JDP2: variants seen among roughly 807,000 people sequenced by gnomAD.
The protein encoded by JDP2 is Jun dimerization protein 2.
Under a neutral mutation model 17.1 loss-of-function variants are expected in JDP2, and 9 were observed. The observed-to-expected ratio is 0.53, with a 90% CI of 0.32 to 0.92. JDP2 has a LOEUF of 0.92. JDP2 is among the 40% of genes least tolerant of loss of function. JDP2 has a pLI of 0.04. For synonymous variants in JDP2, 107 were observed against 95.6 expected, an observed-to-expected ratio of 1.12 and a Z score of -0.69; for missense variants, 179 against 220.0, an observed-to-expected ratio of 0.81 and a Z score of 1.18.
rs548516877 is a variant in JDP2 at position 75,431,420 on chromosome 14, A to G, written c.-24+3168A>G. Reference sequence around the variant, plus strand: ...GCCAGTGTTCAGTGGCTTCTCTTGAACCCAGCTACCGCTCCTTGTCTTCTT... The same window carrying G: ...GCCAGTGTTCAGTGGCTTCTCTTGAGCCCAGCTACCGCTCCTTGTCTTCTT... On this transcript the variant is annotated intron_variant, in intron 1 of 3. Transcript: ENST00000651602. 5.2e-4 allele frequency among the ~76,000 whole-genome samples: 79 copies of G among 152,158 alleles called. 1 individual carries two copies. In the East Asian group the frequency reaches 0.013, roughly 26 times the overall value.
intron 3 of JDP2, among the ~76,000 whole-genome samples, chr14:75,464,598 G>A (rs1886492769): frequency 6.6e-6 from 1 of 152,092 alleles, no homozygotes; most frequent in South Asian, 2.1e-4. Flanking sequence ...TGGTATCCTC[G>A]GGGAGTCCTG....
chr14:75,437,031 TAAA>T lies in JDP2; in HGVS notation c.-23-864_-23-862del, dbSNP rs373110520. 3.2e-3 allele frequency among the ~76,000 whole-genome samples: 494 copies of T among 152,240 alleles called. 3 individuals are homozygous for T. The highest frequency in any genetic ancestry group is 0.025 in the South Asian group (119 of 4,824). The stretch of plus-strand genomic sequence containing the variant: ...TAACATGATGAACTCCTGTATCTAC[TAAA>T]AATACAAAAATTAGCTGGGCGTGGT... On this transcript the variant is annotated intron_variant, in intron 1 of 3. Coordinates refer to ENST00000651602, the MANE Select transcript of JDP2 (RefSeq NM_001135048.2).
intron 3 of JDP2, among the ~76,000 whole-genome samples, chr14:75,462,419 G>C (rs1056965065): frequency 6.6e-6 from 1 of 152,200 alleles, no homozygotes; most frequent in African/African-American, 2.4e-5. Context: ...GTAAAGTTGG[G>C]TGCTGTGCTG....
In JDP2 at chr14:75,469,739, T is replaced by C. The variant is rs1446859229; in HGVS notation, c.*264T>C. The C allele has an allele frequency of 4.5e-5, 20 of 443,514 alleles. No individual in the cohort carries two copies. The highest frequency in any genetic ancestry group is 4.1e-6 in the Non-Finnish European group (1 of 244,576). 27.5% of individuals were successfully genotyped at this position (443,514 alleles called of 1,614,324 possible). A position where few individuals can be genotyped will look rare whatever the true frequency, so the allele number is the denominator to read the frequency against. Reference sequence around the variant, plus strand: ...AGGGTTGTCCTGCCTGGGGCCCCACTTGAAGGAGGCAGGACAGAGGCACCG... The same window carrying C: ...AGGGTTGTCCTGCCTGGGGCCCCACCTGAAGGAGGCAGGACAGAGGCACCG... On this transcript the variant is annotated 3_prime_UTR_variant, in exon 4 of 4. Transcript: ENST00000651602.
intron 1 of JDP2, among the ~76,000 whole-genome samples, chr14:75,433,446 A>C (rs1045833336): frequency 6.7e-6 from 1 of 150,372 alleles, no homozygotes; most frequent in African/African-American, 2.5e-5. Flanking sequence ...TATTTTCTAG[A>C]CTTGACATGT....
rs1378270471 is a variant in JDP2 at position 75,428,384 on chromosome 14, C to A, written c.-24+132C>A. On this transcript the variant is annotated intron_variant, in intron 1 of 3. Transcript: ENST00000651602. This position sits in a 1 kb window ranked among gnomAD's most constrained non-coding sequence, Gnocchi z 5.6. ...CCCAGCCCAGCCCCGCGGGGAGGCT[C>A]CCGCAGCCCAGGGACCTCGAGCTTT... 6.6e-6 allele frequency: 1 copy of A among 151,106 alleles called. No homozygotes were observed. The highest frequency in any genetic ancestry group is 2.4e-5 in the African/African-American group (1 of 41,254). 9.4% of individuals were successfully genotyped at this position (151,106 alleles called of 1,614,324 possible).
chr14:75,432,031 G>C, intron 1 of JDP2: 1 of 515,708 alleles, frequency 1.9e-6, no homozygotes, highest in African/African-American at 1.9e-5. Context: ...CACACAGCTA[G>C]TAAGAAGGGA....
intron 1 of JDP2, among the ~76,000 whole-genome samples, chr14:75,435,092 A>G (rs931028036): frequency 3.3e-5 from 5 of 152,180 alleles, no homozygotes; most frequent in African/African-American, 4.8e-5. Flanking sequence ...CAGTTTTGCT[A>G]CAAGGAATAG....
In JDP2 at chr14:75,469,710, G is replaced by T; in HGVS notation, c.*235G>T. 1 of 509,582 alleles carries T rather than the reference G, an allele frequency of 2.0e-6. No homozygotes were observed. Among genetic ancestry groups the T allele is most frequent in the South Asian group, 2.4e-5 (1 of 41,812 alleles). The allele number at this position is 509,582 out of a possible 1,614,324, so 31.6% of individuals were successfully genotyped here. On this transcript the variant is annotated 3_prime_UTR_variant, in exon 4 of 4. Transcript: ENST00000651602. Reference sequence around the variant, plus strand: ...AGCGCTGAGACCAAAGTTGACCCTCGGGTAGGGTTGTCCTGCCTGGGGCCC... The same window carrying T: ...AGCGCTGAGACCAAAGTTGACCCTCTGGTAGGGTTGTCCTGCCTGGGGCCC...
intron 2 of JDP2, among the ~76,000 whole-genome samples, chr14:75,447,981 T>C (rs536466073): frequency 6.6e-6 from 1 of 152,252 alleles, no homozygotes; most frequent in South Asian, 2.1e-4. Flanking sequence ...AGCTATCACC[T>C]ACCTACCATT....
At chr14:75,441,809 A>G (rs1484169481) in intron 2 of JDP2, among the ~76,000 whole-genome samples, 2 of 152,160 alleles carry the variant, frequency 1.3e-5, no homozygotes, top group Non-Finnish European at 2.9e-5. Context: ...AGCCCCTCAC[A>G]GCTGGACTCC....
chr14:75,451,967 G>A (rs1004825121), intron 2 of JDP2, among the ~76,000 whole-genome samples: 7 of 152,224 alleles, frequency 4.6e-5, no homozygotes, highest in Non-Finnish European at 7.4e-5. Flanking sequence ...TGCCCAGGCC[G>A]GAGTGCAGTG....
chr14:75,438,237 G>A (rs1885168640), intron 2 of JDP2, 116 bp downstream of exon 2: 2 of 761,618 alleles, frequency 2.6e-6, no homozygotes, highest in Non-Finnish European at 4.2e-6. Flanking sequence ...TACCACCCTG[G>A]GGTTATCAGA....
Position 75,469,284 on chromosome 14 carries a change from A to T in JDP2, c.307-6A>T. On this transcript the variant is annotated splice_polypyrimidine_tract_variant and splice_region_variant and intron_variant, in intron 3 of 3. Transcript: ENST00000651602. ...ACTCACAGCGTGCTTCTGTGTTGGT[A>T]TACAGGAATCCGAGCGGCTGGAACT... 6.2e-7 allele frequency: 1 copy of T among 1,613,064 alleles called. No homozygotes were observed. The highest frequency in any genetic ancestry group is 8.5e-7 in the Non-Finnish European group (1 of 1,179,372).
chr14:75,432,297 A>G, intron 1 of JDP2: 1 of 1,551,008 alleles, frequency 6.4e-7, no homozygotes, highest in South Asian at 1.2e-5. Flanking sequence ...AGCTCCAAGA[A>G]GAGGCTTGGT....
At chr14:75,455,774 C>T (rs572436358) in intron 2 of JDP2, among the ~76,000 whole-genome samples, 5 of 152,252 alleles carry the variant, frequency 3.3e-5, no homozygotes, top group East Asian at 1.9e-4. Context: ...CTGCTGGTCC[C>T]GGGTTCCCTA....
Position 75,469,668 on chromosome 14 carries a change from G to A in JDP2, c.*193G>A. 1 of 590,960 alleles carries A rather than the reference G, an allele frequency of 1.7e-6. No individual in the cohort carries two copies. The highest frequency in any genetic ancestry group is 3.0e-6 in the Non-Finnish European group (1 of 336,652). The allele number at this position is 590,960 out of a possible 1,614,324, so 36.6% of individuals were successfully genotyped here. On this transcript the variant is annotated 3_prime_UTR_variant, in exon 4 of 4. Coordinates refer to ENST00000651602, the MANE Select transcript of JDP2 (RefSeq NM_001135048.2). ...CACCCAGGAGGAAGAGCGGGCTGAG[G>A]AAACCCAGAGGGACCAAGCGCTGAG...
At chr14:75,451,536 C>T (rs1017491281) in intron 2 of JDP2, among the ~76,000 whole-genome samples, 6 of 152,038 alleles carry the variant, frequency 3.9e-5, no homozygotes, top group African/African-American at 1.2e-4. Flanking sequence ...GCTGAAACCA[C>T]GTGAGTAGAT....
At chr14:75,456,159 C>G (rs1224328054) in intron 2 of JDP2, among the ~76,000 whole-genome samples, 2 of 152,316 alleles carry the variant, frequency 1.3e-5, no homozygotes, top group Middle Eastern at 3.4e-3. Flanking sequence ...ATTCATAGTC[C>G]CAATGACAAG....
Sources: allele counts gnomAD v4.1 joint callset (sites outside exome capture counted in the v4.1 genomes callset), GRCh38; gene constraint gnomAD v4.1.1; non-coding constraint Gnocchi (gnomAD v3.1); transcripts MANE v1.5; gene names NCBI Gene and HGNC (gene_info 2026-07-23, HGNC 2026-07-21).